The following ZNF263 variants were observed in gnomAD, a reference collection of about 807,000 sequenced individuals.
The protein encoded by ZNF263 is zinc finger protein FPM315.
In ZNF263, 49 loss-of-function variants were observed where a neutral mutation model predicts 63.1. The ratio of observed to expected loss-of-function variants is 0.78; its 90% CI spans 0.62 to 0.99. ZNF263 has a LOEUF of 0.99. ZNF263 is among the 50% of genes least tolerant of loss of function. The pLI is 0.00. For missense variants in ZNF263, 872 were observed against 854.8 expected (o/e 1.02, Z -0.25); for synonymous variants, 352 against 324.2 (o/e 1.09, Z -0.92).
Position 3,288,467 on chromosome 16 carries a change from C to T in ZNF263, c.783C>T (p.Pro261=), listed in dbSNP as rs1460053448. The change falls in exon 5 of 6, where the codon CCC becomes CCT. Residue 261 remains proline (P), a synonymous_variant. Transcript: ENST00000219069. The part of the protein sequence containing the change: ...ENVDSLESHI[P]SQEVPGTQVG... ...CATTGTGAACAGAGTCTCACATTCCCAGTCAGGAGGTCCCAGGCACCCAGG... is the reference window on the plus strand; with the variant it reads ...CATTGTGAACAGAGTCTCACATTCCTAGTCAGGAGGTCCCAGGCACCCAGG... 3 of 1,611,540 alleles carry T rather than the reference C, an allele frequency of 1.9e-6. No homozygotes were observed. The highest frequency in any genetic ancestry group is 1.7e-5 in the Admixed American group (1 of 59,938).
chr16:3,287,446 T>C lies in ZNF263; in HGVS notation c.770-1008T>C, dbSNP rs201613243. Among the ~76,000 whole-genome samples the C allele has an allele frequency of 3.0e-4, 42 of 138,698 alleles. No homozygotes were observed. The East Asian group carries it at 8.4e-3, about 28-fold the overall frequency. The allele number at this position is 138,698 out of a possible 152,430, so 91.0% of individuals were successfully genotyped here. On this transcript the variant is annotated intron_variant, in intron 4 of 5. Transcript: ENST00000219069. ...TTTTTTTTTGAAGTGAGTCTCACTC[T>C]GTTGCCCAGGCTGCTCTGGAACTTC...
chr16:3,299,234 C>A, intron 2 of ZNF263: 1 of 1,610,622 alleles, frequency 6.2e-7, no homozygotes, highest in Non-Finnish European at 8.5e-7. Context: ...TTTTGAACAA[C>A]TTCCTTTGTT....
chr16:3,299,609 A>G (rs781739032), intron 2 of ZNF263: 10 of 1,561,008 alleles, frequency 6.4e-6, no homozygotes, highest in Non-Finnish European at 8.6e-6. Flanking sequence ...TTGCAGCTCA[A>G]GATCACACCT....
intron 4 of ZNF263, among the ~76,000 whole-genome samples, chr16:3,287,405 C>CTTTTTTTTTTTTTT: frequency 1.0e-5 from 1 of 97,866 alleles, no homozygotes; most frequent in South Asian, 3.3e-4. Context: ...CACACCCGGC[C>CTTTTTTTTTTTTTT]TTTTTTTTTT....
rs1211134917 is a variant in ZNF263, at chr16:3,290,233, A to C, written c.1727A>C (p.Glu576Ala). 6.2e-7 allele frequency: 1 copy of C among 1,614,120 alleles called. No homozygotes were observed. Among genetic ancestry groups the C allele is most frequent in the Admixed American group, 1.7e-5 (1 of 60,012 alleles). The part of the protein sequence containing the change: ...GAHKAEKKLF[E>A]CLTCGKSFRQ... Reference sequence around the variant, plus strand: ...CATAAGGCAGAGAAGAAGCTCTTTGAATGTTTGACTTGTGGGAAAAGCTTC... The same window carrying C: ...CATAAGGCAGAGAAGAAGCTCTTTGCATGTTTGACTTGTGGGAAAAGCTTC... The change falls in exon 6 of 6, where the codon GAA becomes GCA. Residue 576 changes from glutamate (E) to alanine (A), a missense_variant. Coordinates refer to ENST00000219069, the MANE Select transcript of ZNF263 (RefSeq NM_005741.5).
chr16:3,297,263 C>T (rs1358355136), intron 1 of ZNF263, among the ~76,000 whole-genome samples: 1 of 139,230 alleles, frequency 7.2e-6, no homozygotes, highest in African/African-American at 2.8e-5. Flanking sequence ...CACTGCACTC[C>T]AGCTTGGGTG....
Position 3,291,053 on chromosome 16 carries a change from G to A in ZNF263, c.*495G>A, listed in dbSNP as rs1389528020. ...ACTGGTTGTGAGTTGCAGCTGTCCC[G>A]AAGGCCCCAGTTGGGAAGCCATGGG... On this transcript the variant is annotated 3_prime_UTR_variant, in exon 6 of 6. Coordinates refer to ENST00000219069, the MANE Select transcript of ZNF263 (RefSeq NM_005741.5). 5.0e-6 allele frequency: 5 copies of A among 994,156 alleles called. No homozygotes were observed. In the African/African-American group the frequency reaches 5.2e-5, roughly 10 times the overall value. The allele number at this position is 994,156 out of a possible 1,614,324, so 61.6% of individuals were successfully genotyped here. A position where few individuals can be genotyped will look rare whatever the true frequency, so the allele number is the denominator to read the frequency against.
At chr16:3,300,217 T>C (rs762288478) in intron 2 of ZNF263, 6 of 1,614,242 alleles carry the variant, frequency 3.7e-6, no homozygotes, top group Non-Finnish European at 5.1e-6. Context: ...CCCAATTGCA[T>C]GCCGATTTCG....
In ZNF263 at chr16:3,286,019, T is replaced by G. The variant is rs1959340287; in HGVS notation, c.643-4T>G. On this transcript the variant is annotated splice_polypyrimidine_tract_variant and splice_region_variant and intron_variant, in intron 3 of 5. Transcript: ENST00000219069. Reference sequence around the variant, plus strand: ...GGGCTAAAGGAGATCTTGTGCTGTTTCAGTTGCCTGAGAGCTTAGAGGACG... The same window carrying G: ...GGGCTAAAGGAGATCTTGTGCTGTTGCAGTTGCCTGAGAGCTTAGAGGACG... 1.2e-6 allele frequency: 2 copies of G among 1,613,866 alleles called. No homozygotes were observed. Among genetic ancestry groups the G allele is most frequent in the African/African-American group, 2.7e-5 (2 of 74,900 alleles).
chr16:3,299,940 C>G lies in ZNF263; in HGVS notation c.*46+784C>G, dbSNP rs1959886718. 4.3e-6 allele frequency: 7 copies of G among 1,612,972 alleles called. No individual in the cohort carries two copies. In the East Asian group the frequency reaches 1.6e-4, roughly 36 times the overall value. On this transcript the variant is annotated intron_variant, in intron 2 of 2. Coordinates refer to the ZNF263 transcript ENST00000574674. ...GTTTTGATTTTCCAATAATGATTGA[C>G]TTTAATTTATGAGTTCCGTCTGCAT...
At chr16:3,296,791 T>TA (rs200105643) in intron 1 of ZNF263, among the ~76,000 whole-genome samples, 5 of 126,966 alleles carry the variant, frequency 3.9e-5, no homozygotes, top group East Asian at 1.9e-4. Flanking sequence ...CTAGGAACAA[T>TA]AAAAAAAATG....
chr16:3,291,550 A>T, downstream of ZNF263: 8 of 956,620 alleles, frequency 8.4e-6, no homozygotes, highest in Non-Finnish European at 1.0e-5. Context: ...CTGCTTTCTC[A>T]TAGACTTACT....
In ZNF263 at chr16:3,283,689, G is replaced by T; in HGVS notation, c.-130G>T. The stretch of plus-strand genomic sequence containing the variant: ...CCGGCCGCGCCTGGGCTGGAGCGGG[G>T]CTCCTCGGCCTGGACTGGGAGCCCC... On this transcript the variant is annotated 5_prime_UTR_variant, in exon 1 of 6. Coordinates refer to ENST00000219069, the MANE Select transcript of ZNF263 (RefSeq NM_005741.5). The T allele has an allele frequency of 7.5e-7, 1 of 1,339,506 alleles. No individual in the cohort carries two copies. The highest frequency in any genetic ancestry group is 2.0e-5 in the South Asian group (1 of 49,136). 83.0% of individuals were successfully genotyped at this position (1,339,506 alleles called of 1,614,324 possible). A position where few individuals can be genotyped will look rare whatever the true frequency, so the allele number is the denominator to read the frequency against.
rs766416806 is a variant in ZNF263 at position 3,299,791 on chromosome 16, C to T, written c.*46+635C>T. On this transcript the variant is annotated intron_variant, in intron 2 of 2. Transcript: ENST00000574674. ...TCTTAGAACATTAAGTTGAAAATGT[C>T]GGACCTCAGGAACAAAGTTTTGAAA... 1.9e-6 allele frequency: 3 copies of T among 1,577,298 alleles called. No homozygotes were observed. Among genetic ancestry groups the T allele is most frequent in the Non-Finnish European group, 2.6e-6 (3 of 1,166,040 alleles).
In ZNF263 at chr16:3,290,014, C is replaced by A; in HGVS notation, c.1508C>A (p.Ser503Tyr). The A allele has an allele frequency of 6.2e-7, 1 of 1,614,156 alleles. No homozygotes were observed. The highest frequency in any genetic ancestry group is 2.2e-5 in the East Asian group (1 of 44,888). Residue 503 changes from serine to tyrosine, a missense_variant, in exon 6 of 6, where the codon TCC becomes TAC. Ser to Tyr is a moderately radical substitution (Grantham distance 144, BLOSUM62 -2). Coordinates refer to ENST00000219069, the MANE Select transcript of ZNF263 (RefSeq NM_005741.5). Reference sequence around the variant, plus strand: ...TGTGGGGAGATCTTTGCTCACAGTTCCAACCTCCTTCGGCACCAGAGAATT... The same window carrying A: ...TGTGGGGAGATCTTTGCTCACAGTTACAACCTCCTTCGGCACCAGAGAATT... ...PECGEIFAHS[S>Y]NLLRHQRIHT...
chr16:3,300,141 T>C (rs755788167), intron 2 of ZNF263: 4 of 1,614,250 alleles, frequency 2.5e-6, no homozygotes, highest in Non-Finnish European at 3.4e-6. Flanking sequence ...TGGACAGTTT[T>C]TGTCGAAATG....
rs1959528776 is a variant in ZNF263, at chr16:3,289,719, CTG to C, written c.1217_1218del (p.Cys406TyrfsTer7). 1.9e-6 allele frequency: 3 copies of C among 1,614,128 alleles called. No individual in the cohort carries two copies. Among genetic ancestry groups the C allele is most frequent in the East Asian group, 2.2e-5 (1 of 44,902 alleles). On this transcript the variant is annotated frameshift_variant, in exon 6 of 6. Transcript: ENST00000219069. LOFTEE classifies it high-confidence loss of function. ...RHQRIHAAER[L>X]CMGVDCTEIF... Reference sequence around the variant, plus strand: ...CCAGAGAATACATGCAGCTGAAAGACTGTGTATGGGTGTGGACTGCACTGAAA... The same window carrying C: ...CCAGAGAATACATGCAGCTGAAAGACTGTATGGGTGTGGACTGCACTGAAA...
At chr16:3,288,389 A>C in intron 4 of ZNF263, 65 bp from the exon 5 acceptor site, 1 of 1,179,564 alleles carries the variant, frequency 8.5e-7, no homozygotes, top group South Asian at 1.2e-5. Flanking sequence ...AGGGAACAAG[A>C]CTGTTTCCCT....
chr16:3,289,469 T>C lies in ZNF263; in HGVS notation c.963T>C (p.Pro321=). 1 of 1,536,292 alleles carries C rather than the reference T, an allele frequency of 6.5e-7. No homozygotes were observed. Among genetic ancestry groups the C allele is most frequent in the South Asian group, 1.3e-5 (1 of 77,160 alleles). Residue 321 remains proline (P), a synonymous_variant, in exon 6 of 6, where the codon CCT becomes CCC. Coordinates refer to ENST00000219069, the MANE Select transcript of ZNF263 (RefSeq NM_005741.5). ...ACATCCACCCTCAGGTGCTGCTTCC[T>C]GACCAGGCCCGAGGGGAGGTGCCCT... ...SENIHPQVLL[P]DQARGEVPWS... is the part of the protein sequence containing the mutation.
Sources: gnomAD v4.1 joint callset for allele counts (sites outside exome capture counted in the v4.1 genomes callset) on GRCh38, gnomAD v4.1.1 for gene constraint, MANE v1.5 for transcripts, NCBI Gene and HGNC (gene_info 2026-07-23, HGNC 2026-07-21) for gene names.